PAM: variants seen among roughly 807,000 people sequenced by gnomAD.
PAM encodes the protein peptidyl-glycine alpha-amidating monooxygenase.
PAM carries 72 observed loss-of-function variants against 122.1 expected under a neutral mutation model. That is an observed-to-expected ratio of 0.59 (90% CI 0.49 to 0.72). The LOEUF (loss-of-function observed/expected upper bound fraction) is 0.72, where lower values mean the gene tolerates loss of function less well. Ranked by LOEUF, PAM falls within the 30% of genes least tolerant of loss-of-function variation. The pLI is 0.00. For synonymous variants in PAM, 389 were observed against 404.4 expected, an observed-to-expected ratio of 0.96 and a Z score of 0.46; for missense variants, 1,106 against 1,183.7, an observed-to-expected ratio of 0.93 and a Z score of 0.96.
intron 1 of PAM, among the ~76,000 whole-genome samples, chr5:102,805,522 C>T (rs1055051788): frequency 1.3e-5 from 2 of 152,156 alleles, no homozygotes; most frequent in Admixed American, 6.6e-5. Flanking sequence ...TGTCAGAGCT[C>T]GATGGGGCCA....
chr5:102,968,163 C>T (rs145359123), intron 14 of PAM, among the ~76,000 whole-genome samples: 1 of 152,084 alleles, frequency 6.6e-6, no homozygotes, highest in Non-Finnish European at 1.5e-5. Flanking sequence ...AAGAATAAAC[C>T]TAGCACTTGA....
chr5:102,943,543 C>A lies in PAM; in HGVS notation c.527-3294C>A, dbSNP rs555618681. ...CTTGGAAGTCTCTAAGATATAGAAC[C>A]CTTGTTTTTTATTTTTGCCTTTTTT... On this transcript the variant is annotated intron_variant, in intron 7 of 25. Coordinates refer to ENST00000438793, the MANE Select transcript of PAM (RefSeq NM_001177306.2). Among the ~76,000 whole-genome samples the A allele has an allele frequency of 4.6e-5, 7 of 152,064 alleles. No individual in the cohort carries two copies. The South Asian group carries it at 6.2e-4, about 14-fold the overall frequency.
chr5:102,868,654 C>G (rs1326451780), intron 3 of PAM, among the ~76,000 whole-genome samples: 1 of 152,022 alleles, frequency 6.6e-6, no homozygotes, highest in South Asian at 2.1e-4. Flanking sequence ...CTGGGTTTCC[C>G]CCCTGTATTT....
At chr5:102,944,025 G>A (rs1429934016) in intron 7 of PAM, among the ~76,000 whole-genome samples, 1 of 152,100 alleles carries the variant, frequency 6.6e-6, no homozygotes, top group Admixed American at 6.5e-5. Flanking sequence ...GTCCTATGTT[G>A]TGATGGCCTC....
At chr5:102,757,911 G>A (rs1750944851) in intron 1 of PAM, among the ~76,000 whole-genome samples, 1 of 151,292 alleles carries the variant, frequency 6.6e-6, no homozygotes, top group Admixed American at 6.6e-5. Context: ...GTGTGGTGGT[G>A]CACGCCGGTA....
intron 15 of PAM, among the ~76,000 whole-genome samples, chr5:102,984,844 C>A (rs1452500841): frequency 6.6e-6 from 1 of 152,018 alleles, no homozygotes; most frequent in Non-Finnish European, 1.5e-5. Context: ...TAAAACAAGT[C>A]TCAACAAAAT....
intron 6 of PAM, among the ~76,000 whole-genome samples, chr5:102,926,180 C>T (rs537088999): frequency 5.3e-5 from 8 of 152,184 alleles, no homozygotes; most frequent in South Asian, 2.1e-4. Flanking sequence ...CTGCAAGCTC[C>T]GCTTCCCGGG....
intron 15 of PAM, among the ~76,000 whole-genome samples, chr5:102,981,506 A>G (rs749271304): frequency 3.9e-5 from 6 of 152,206 alleles, no homozygotes; most frequent in Non-Finnish European, 5.9e-5. Flanking sequence ...GGGAGTTTGA[A>G]TGCTAATTGA....
intron 1 of PAM, among the ~76,000 whole-genome samples, chr5:102,787,643 A>C (rs1316563742): frequency 6.6e-6 from 1 of 151,812 alleles, no homozygotes; most frequent in Non-Finnish European, 1.5e-5. Flanking sequence ...TCCTGGAAGA[A>C]AACTATTGTG....
intron 17 of PAM, among the ~76,000 whole-genome samples, chr5:103,004,220 C>T (rs549753399): frequency 3.3e-5 from 5 of 152,264 alleles, no homozygotes; most frequent in African/African-American, 9.6e-5. Flanking sequence ...ATGTTTGAAC[C>T]TGTTTCATTG....
intron 16 of PAM, among the ~76,000 whole-genome samples, chr5:102,993,532 T>C (rs1281336829): frequency 6.6e-6 from 1 of 152,140 alleles, no homozygotes; most frequent in Non-Finnish European, 1.5e-5. Context: ...TCATTTCTTC[T>C]CTTGGAGTTG....
rs71226932 is a variant in PAM at position 103,011,378 on chromosome 5, TCACA to T, written c.2331+1532_2331+1535del. ...CATACACACACACACAAACACACAC[TCACA>T]CACACACACACACACACACTCTCTC... On this transcript the variant is annotated intron_variant, in intron 21 of 25. Transcript: ENST00000438793. Among the ~76,000 whole-genome samples, 536 of 148,694 alleles carry T rather than the reference TCACA, an allele frequency of 3.6e-3. 7 individuals are homozygous for T. Among genetic ancestry groups the T allele is most frequent in the Middle Eastern group, 0.017 (5 of 292 alleles).
intron 1 of PAM, among the ~76,000 whole-genome samples, chr5:102,776,692 T>C (rs548254165): frequency 6.6e-6 from 1 of 152,124 alleles, no homozygotes; most frequent in South Asian, 2.1e-4. Flanking sequence ...TAACCATTTT[T>C]AAATGTACAG....
At chr5:102,825,436 C>T (rs982095500) in intron 1 of PAM, among the ~76,000 whole-genome samples, 6 of 152,066 alleles carry the variant, frequency 3.9e-5, no homozygotes, top group Non-Finnish European at 7.4e-5. Context: ...AGAGGGAACC[C>T]GGTTGCTTAC....
intron 1 of PAM, chr5:102,837,601 G>T (rs1273634085): frequency 6.6e-6 from 1 of 152,138 alleles, no homozygotes; most frequent in Non-Finnish European, 1.5e-5. Context: ...GTAACTTAAT[G>T]CATTCTTGTC....
chr5:102,835,268 T>A (rs868810702), intron 1 of PAM, among the ~76,000 whole-genome samples: 4 of 152,262 alleles, frequency 2.6e-5, no homozygotes, highest in East Asian at 3.9e-4. Flanking sequence ...CCTTCTCTTT[T>A]CAGGATATTG....
chr5:102,939,447 A>G (rs1470991862), intron 7 of PAM, among the ~76,000 whole-genome samples: 3 of 152,180 alleles, frequency 2.0e-5, no homozygotes, highest in African/African-American at 7.2e-5. Context: ...AAAGTAAAGT[A>G]AAATCTGGTC....
chr5:102,829,178 T>C (rs1774619334), intron 1 of PAM, among the ~76,000 whole-genome samples: 1 of 152,150 alleles, frequency 6.6e-6, no homozygotes, highest in Admixed American at 6.5e-5. Context: ...GGGATACAGG[T>C]TGTGTACTCT....
chr5:102,938,544 C>T lies in PAM; in HGVS notation c.527-8293C>T, dbSNP rs116175317. On this transcript the variant is annotated intron_variant, in intron 7 of 25. Coordinates refer to ENST00000438793, the MANE Select transcript of PAM (RefSeq NM_001177306.2). ...CATGCAATTTAGTTTTTCAGATTTA[C>T]ATTTAGTTCTTCTAGTTTTTTTGAG... Among the ~76,000 whole-genome samples the T allele has an allele frequency of 3.4e-3, 513 of 152,184 alleles. 6 individuals carry two copies. The highest frequency in any genetic ancestry group is 8.5e-3 in the Admixed American group (130 of 15,268).
Sources: allele counts gnomAD v4.1 joint callset (sites outside exome capture counted in the v4.1 genomes callset), GRCh38; gene constraint gnomAD v4.1.1; transcripts MANE v1.5; gene names NCBI Gene and HGNC (gene_info 2026-07-23, HGNC 2026-07-21).